The following ZCCHC2 variants were observed in gnomAD, a reference collection of about 807,000 sequenced individuals.
ZCCHC2 encodes the protein zinc finger CCHC-type containing 2, also known as zinc finger CCHC domain-containing protein 2.
ZCCHC2 carries 39 observed loss-of-function variants against 103.6 expected under a neutral mutation model. That is an observed-to-expected ratio of 0.38 (90% confidence interval 0.29 to 0.49). ZCCHC2 has a LOEUF of 0.49. ZCCHC2 is among the 20% of genes least tolerant of loss of function. The pLI is 0.96. For synonymous variants in ZCCHC2, 687 were observed against 608.9 expected (o/e 1.13, Z -1.89); for missense variants, 1,483 against 1,491.0 (o/e 0.99, Z 0.09).
At position 62,576,719 on chromosome 18, in the gene ZCCHC2, T is replaced by A; in HGVS notation, c.*140T>A. 1.3e-6 allele frequency: 1 copy of A among 762,830 alleles called. No homozygotes were observed. Among genetic ancestry groups the A allele is most frequent in the Non-Finnish European group, 2.1e-6 (1 of 476,868 alleles). The allele number at this position is 762,830 out of a possible 1,614,324, so 47.3% of individuals were successfully genotyped here. On this transcript the variant is annotated 3_prime_UTR_variant, in exon 14 of 14. Transcript: ENST00000269499. ...CAGTTGGGATTTTTCATTTCTCTTG[T>A]ACCAATGTCCAAAACAAGAAAGAAT...
chr18:62,575,347 T>G lies in ZCCHC2; in HGVS notation c.3266T>G (p.Val1089Gly). 2 of 1,613,952 alleles carry G rather than the reference T, an allele frequency of 1.2e-6. No homozygotes were observed. The highest frequency in any genetic ancestry group is 1.7e-6 in the Non-Finnish European group (2 of 1,179,846). ...GCAAATGGACTGGTACATGACCCAG[T>G]CATGGGGAGCCAAGCCAACTATGGC... ...PYANGLVHDP[V>G]MGSQANYGMQ... The change falls in exon 13 of 14, where the codon GTC becomes GGC. Residue 1089 changes from valine to glycine, a missense_variant. This residue lies in a region of ZCCHC2 where 884 missense variants were observed against 907.5 expected (regional missense o/e 0.97). Coordinates refer to ENST00000269499, the MANE Select transcript of ZCCHC2 (RefSeq NM_017742.6).
chr18:62,584,025 GAATAACATCATATTTGATGTT>G (rs1213941855), intron 14 of ZCCHC2, among the ~76,000 whole-genome samples: 1 of 152,164 alleles, frequency 6.6e-6, no homozygotes, highest in East Asian at 1.9e-4. Flanking sequence ...CCTAGGGTCA[GAATAACATCATATTTGATGTT>G]ACCGCTGCTT....
At chr18:62,538,414 C>T (rs1180896058) in intron 1 of ZCCHC2, among the ~76,000 whole-genome samples, 1 of 151,954 alleles carries the variant, frequency 6.6e-6, no homozygotes, top group Non-Finnish European at 1.5e-5. Flanking sequence ...CAGAATCTCT[C>T]GTGGGTAAAT....
chr18:62,582,303 G>A (rs1917057042), downstream of ZCCHC2, among the ~76,000 whole-genome samples: 1 of 152,226 alleles, frequency 6.6e-6, no homozygotes, highest in African/African-American at 2.4e-5. Flanking sequence ...TTTAGAAAGG[G>A]ATGGAAGAGA....
At chr18:62,529,279 A>C (rs1914581910) in intron 1 of ZCCHC2, among the ~76,000 whole-genome samples, 1 of 152,188 alleles carries the variant, frequency 6.6e-6, no homozygotes, top group Non-Finnish European at 1.5e-5. Flanking sequence ...TGATATTTTA[A>C]AGTGAATAGT....
chr18:62,523,973 G>A lies in ZCCHC2; in HGVS notation c.549G>A (p.Glu183=), dbSNP rs1210020097. ...LIVYLALLGS[E]NREAAGRLHR... is the part of the protein sequence containing the mutation. Reference sequence around the variant, plus strand: ...TCTACCTGGCGCTGCTGGGCTCGGAGAACCGGGAGGCCGCTGGCCGTCTGC... The same window carrying A: ...TCTACCTGGCGCTGCTGGGCTCGGAAAACCGGGAGGCCGCTGGCCGTCTGC... The change falls in exon 1 of 14, where the codon GAG becomes GAA. Residue 183 remains glutamate, a synonymous_variant. Coordinates refer to ENST00000269499, the MANE Select transcript of ZCCHC2 (RefSeq NM_017742.6). The A allele has an allele frequency of 6.7e-6, 10 of 1,497,618 alleles. No homozygotes were observed. In the African/African-American group the frequency reaches 7.1e-5, roughly 11 times the overall value. 92.8% of individuals were successfully genotyped at this position (1,497,618 alleles called of 1,614,324 possible). A position where few individuals can be genotyped will look rare whatever the true frequency, so the allele number is the denominator to read the frequency against.
At chr18:62,564,860 G>A in intron 10 of ZCCHC2, 142 bp from the exon 11 acceptor site, 1 of 708,868 alleles carries the variant, frequency 1.4e-6, no homozygotes, top group Non-Finnish European at 2.3e-6. Flanking sequence ...ACTTTCCACG[G>A]AAGGGCGAAT....
At chr18:62,573,927 G>T in intron 12 of ZCCHC2, 130 bp from the exon 13 acceptor site, 2 of 912,750 alleles carry the variant, frequency 2.2e-6, no homozygotes, top group Non-Finnish European at 3.3e-6. Flanking sequence ...AGGTCAGCTT[G>T]GACAGTCAGG....
chr18:62,536,327 C>T (rs1009518880), intron 1 of ZCCHC2, among the ~76,000 whole-genome samples: 5 of 152,128 alleles, frequency 3.3e-5, no homozygotes, highest in African/African-American at 7.2e-5. Context: ...TATGCTTGTG[C>T]GTATTTTTGC....
chr18:62,573,719 C>G (rs1424002348), intron 12 of ZCCHC2, among the ~76,000 whole-genome samples: 1 of 152,088 alleles, frequency 6.6e-6, no homozygotes, highest in Non-Finnish European at 1.5e-5. Flanking sequence ...AAGTGGATTG[C>G]CTGAAGTTTA....
intron 1 of ZCCHC2, chr18:62,524,923 T>G: frequency 6.5e-6 from 1 of 153,188 alleles, no homozygotes; most frequent in Non-Finnish European, 1.5e-5. Flanking sequence ...GCCCAGTGTG[T>G]GCCTGAGTTA....
intron 8 of ZCCHC2, 47 bp from the exon 9 acceptor site, chr18:62,562,962 A>G (rs373066558): frequency 9.5e-6 from 15 of 1,575,036 alleles, no homozygotes; most frequent in African/African-American, 1.3e-5. Context: ...GAAATAGGTT[A>G]TTATTGAGGG....
chr18:62,576,900 T>A lies in ZCCHC2; in HGVS notation c.*321T>A, dbSNP rs558090540. ...CTGTGTGCAATGTTTACTGAATCTT[T>A]AAAACTGTGTATTTGACCTTTTTTT... On this transcript the variant is annotated 3_prime_UTR_variant, in exon 14 of 14. Transcript: ENST00000269499. 5.1e-6 allele frequency: 1 copy of A among 196,978 alleles called. No homozygotes were observed. The highest frequency in any genetic ancestry group is 1.1e-4 in the South Asian group (1 of 8,908). The allele number at this position is 196,978 out of a possible 1,614,324, so 12.2% of individuals were successfully genotyped here.
exon 15 of ZCCHC2, chr18:62,585,966 C>T (rs900468757): frequency 6.6e-6 from 1 of 152,180 alleles, no homozygotes; most frequent in South Asian, 2.1e-4. Context: ...AGGTTGCTGC[C>T]CCACGCCACC....
At position 62,550,462 on chromosome 18, in the gene ZCCHC2, T is replaced by G. The variant is rs1207644178; in HGVS notation, c.1313+2T>G. Reference sequence around the variant, plus strand: ...TCCTGACCTAGAGCCCATCCTAAGGTAATGATTTACCTGACGCCTATCATA... The same window carrying G: ...TCCTGACCTAGAGCCCATCCTAAGGGAATGATTTACCTGACGCCTATCATA... On this transcript the variant is annotated splice_donor_variant, in intron 5 of 13. Transcript: ENST00000269499. LOFTEE classifies it high-confidence loss of function. 6.2e-7 allele frequency: 1 copy of G among 1,610,454 alleles called. No homozygotes were observed. Among genetic ancestry groups the G allele is most frequent in the African/African-American group, 1.3e-5 (1 of 74,798 alleles).
exon 15 of ZCCHC2, chr18:62,585,954 C>T (rs1917159644): frequency 6.6e-6 from 1 of 152,174 alleles, no homozygotes; most frequent in African/African-American, 2.4e-5. Context: ...AGTGTGACAA[C>T]AAGGTTGCTG....
At chr18:62,535,451 T>C (rs1232250646) in intron 1 of ZCCHC2, among the ~76,000 whole-genome samples, 2 of 152,172 alleles carry the variant, frequency 1.3e-5, no homozygotes, top group Non-Finnish European at 1.5e-5. Flanking sequence ...ACAATGACCA[T>C]TTTATTACCA....
intron 14 of ZCCHC2, among the ~76,000 whole-genome samples, chr18:62,584,171 C>G (rs1376600193): frequency 6.6e-6 from 1 of 152,190 alleles, no homozygotes; most frequent in Non-Finnish European, 1.5e-5. Context: ...CACCTGAGTT[C>G]TGTGTGTGTA....
At chr18:62,573,452 A>G (rs2145534899) in intron 12 of ZCCHC2, among the ~76,000 whole-genome samples, 1 of 152,266 alleles carries the variant, frequency 6.6e-6, no homozygotes, top group South Asian at 2.1e-4. Flanking sequence ...ACACTCTCCT[A>G]TTCCTGTTTC....
Sources: gnomAD v4.1 joint callset for allele counts (sites outside exome capture counted in the v4.1 genomes callset) on GRCh38, gnomAD v4.1.1 for gene constraint, gnomAD v4.1.1 regional missense constraint, MANE v1.5 for transcripts, NCBI Gene and HGNC (gene_info 2026-07-23, HGNC 2026-07-21) for gene names.